The following PGCKA1 variants were observed in gnomAD, a reference collection of about 807,000 sequenced individuals.
The protein encoded by PGCKA1 is PDCD10 and GCKIII kinases-associated protein 1.
chr4:37,463,741 C>T, the PGCKA1 span, among the ~76,000 whole-genome samples: 69 of 152,038 alleles, frequency 4.5e-4, 2 homozygotes, highest in East Asian at 0.013. Context: ...TTTCTTAATA[C>T]CCTCTGCCTT....
the PGCKA1 span, among the ~76,000 whole-genome samples, chr4:37,516,546 C>T: frequency 6.6e-6 from 1 of 152,174 alleles, no homozygotes; most frequent in South Asian, 2.1e-4. Flanking sequence ...TTCTCTCTCA[C>T]TCCCTCACTG....
the PGCKA1 span, among the ~76,000 whole-genome samples, chr4:37,539,292 T>C: frequency 6.6e-6 from 1 of 152,340 alleles, no homozygotes; most frequent in Admixed American, 6.5e-5. Context: ...CGCGTTCTGC[T>C]GCCACTGGTC....
At chr4:37,507,443 G>C in the PGCKA1 span, among the ~76,000 whole-genome samples, 2 of 151,858 alleles carry the variant, frequency 1.3e-5, no homozygotes. Context: ...TGTATCCATT[G>C]TATGTTTTTT....
At chr4:37,592,544 A>C in the PGCKA1 span, among the ~76,000 whole-genome samples, 1 of 152,172 alleles carries the variant, frequency 6.6e-6, no homozygotes, top group Non-Finnish European at 1.5e-5. Context: ...AACAAGGACA[A>C]CCATTCTAAC....
chr4:37,568,109 T>G, the PGCKA1 span, among the ~76,000 whole-genome samples: 14 of 152,166 alleles, frequency 9.2e-5, no homozygotes, highest in Non-Finnish European at 2.9e-5. Flanking sequence ...TTCCTCAGCA[T>G]TCCTACAGTG....
chr4:37,556,254 T>TG, the PGCKA1 span, among the ~76,000 whole-genome samples: 3 of 114,282 alleles, frequency 2.6e-5, no homozygotes, highest in Non-Finnish European at 5.7e-5. Flanking sequence ...CTTTTTCTTT[T>TG]TTTTGTTTTG....
At chr4:37,506,089 G>A in the PGCKA1 span, among the ~76,000 whole-genome samples, 1 of 152,148 alleles carries the variant, frequency 6.6e-6, no homozygotes, top group Non-Finnish European at 1.5e-5. Context: ...GCTAATAGTA[G>A]CCACTAATAA....
chr4:37,521,026 T>C, the PGCKA1 span, among the ~76,000 whole-genome samples: 4 of 152,204 alleles, frequency 2.6e-5, no homozygotes, highest in Non-Finnish European at 1.5e-5. Context: ...TTTTGTTTTA[T>C]TGATATTTTG....
At chr4:37,569,190 TTTTTA>T in the PGCKA1 span, among the ~76,000 whole-genome samples, 5 of 151,630 alleles carry the variant, frequency 3.3e-5, no homozygotes, top group Admixed American at 1.3e-4. Flanking sequence ...AATTTCTTTA[TTTTTA>T]TTTTATTTTA....
the PGCKA1 span, among the ~76,000 whole-genome samples, chr4:37,538,365 T>A: frequency 3.3e-5 from 5 of 152,330 alleles, no homozygotes; most frequent in Admixed American, 2.6e-4. Flanking sequence ...TGAGACAGAA[T>A]AAGGACTTTA....
the PGCKA1 span, among the ~76,000 whole-genome samples, chr4:37,531,485 T>A: frequency 6.6e-6 from 1 of 152,024 alleles, no homozygotes; most frequent in African/African-American, 2.4e-5. Context: ...CCAGAAAGCT[T>A]TTGTCAGAGC....
the PGCKA1 span, among the ~76,000 whole-genome samples, chr4:37,570,429 C>A: frequency 5.0e-4 from 59 of 117,526 alleles, no homozygotes; most frequent in East Asian, 1.6e-3. Context: ...ATGTTTCTGC[C>A]AAAAAAAAAA....
chr4:37,590,629 T>G, the PGCKA1 span: 9 of 1,614,090 alleles, frequency 5.6e-6, no homozygotes, highest in Non-Finnish European at 7.6e-6. Context: ...CCTTCAGCAT[T>G]GGGGCCCAGC....
chr4:37,589,996 AATTAGCAGGAATCGTAG>A, the PGCKA1 span: 1 of 893,248 alleles, frequency 1.1e-6, no homozygotes, highest in Non-Finnish European at 1.8e-6. Context: ...ACAGAAATTA[AATTAGCAGGAATCGTAG>A]AAAGAAGCAG....
At chr4:37,501,782 A>C in the PGCKA1 span, among the ~76,000 whole-genome samples, 4 of 152,210 alleles carry the variant, frequency 2.6e-5, no homozygotes, top group African/African-American at 9.7e-5. Flanking sequence ...AGCCCAGTTC[A>C]GAATCCTTGC....
chr4:37,579,246 G>C, the PGCKA1 span, among the ~76,000 whole-genome samples: 1 of 151,984 alleles, frequency 6.6e-6, no homozygotes, highest in Non-Finnish European at 1.5e-5. Flanking sequence ...AAAAATTTTT[G>C]TTATTATTTA....
the PGCKA1 span, among the ~76,000 whole-genome samples, chr4:37,565,094 C>T: frequency 6.6e-6 from 1 of 152,194 alleles, no homozygotes; most frequent in Non-Finnish European, 1.5e-5. Context: ...GCTTCTCAAA[C>T]TTTTCCCTTA....
the PGCKA1 span, among the ~76,000 whole-genome samples, chr4:37,553,070 A>C: frequency 1.5e-5 from 2 of 137,222 alleles, no homozygotes; most frequent in Non-Finnish European, 3.2e-5. Context: ...GCTTCGTTGC[A>C]GTGGGATTAC....
the PGCKA1 span, among the ~76,000 whole-genome samples, chr4:37,573,927 T>C: frequency 2.0e-5 from 3 of 152,196 alleles, no homozygotes; most frequent in South Asian, 2.1e-4. Context: ...CAGTGGCTCA[T>C]GCCTATAATT....
Sources: allele counts gnomAD v4.1 joint callset (sites outside exome capture counted in the v4.1 genomes callset), GRCh38; gene constraint gnomAD v4.1.1; transcripts MANE v1.5; gene names NCBI Gene and HGNC (gene_info 2026-07-23, HGNC 2026-07-21).